Variants in PLD5 observed in about 807,000 individuals in gnomAD.
PLD5 encodes phospholipase D family member 5, also known as inactive phospholipase D5.
In PLD5, 36 loss-of-function variants were observed where a neutral mutation model predicts 61.1. The ratio of observed to expected loss-of-function variants is 0.59; its 90% CI spans 0.45 to 0.78. The LOEUF (loss-of-function observed/expected upper bound fraction) is 0.78, where lower values mean the gene tolerates loss of function less well. PLD5 is among the 30% of genes least tolerant of loss of function. The pLI is 0.00. For missense variants in PLD5, 515 were observed against 644.4 expected (o/e 0.80, Z 2.17); for synonymous variants, 243 against 242.8 (o/e 1.00, Z -0.01).
At chr1:242,287,644 T>A (rs1315758310) in intron 3 of PLD5, among the ~76,000 whole-genome samples, 4 of 152,108 alleles carry the variant, frequency 2.6e-5, no homozygotes, top group Non-Finnish European at 5.9e-5. Context: ...CATATGATAT[T>A]TAAGTGTAGG....
chr1:242,207,775 TA>T (rs1295979173), intron 5 of PLD5, among the ~76,000 whole-genome samples: 3 of 109,394 alleles, frequency 2.7e-5, no homozygotes, highest in African/African-American at 1.5e-4. Context: ...TATATATATT[TA>T]TATATATTTA....
intron 2 of PLD5, among the ~76,000 whole-genome samples, chr1:242,320,237 T>A (rs1658299704): frequency 6.6e-6 from 1 of 152,354 alleles, no homozygotes; most frequent in Non-Finnish European, 1.5e-5. Flanking sequence ...TTTTTAGAAG[T>A]GGGTCAATTA....
intron 8 of PLD5, among the ~76,000 whole-genome samples, chr1:242,104,494 T>A (rs1460689923): frequency 6.6e-6 from 1 of 152,134 alleles, no homozygotes; most frequent in East Asian, 1.9e-4. Context: ...ACTGCAAGGA[T>A]CTCTTCTACA....
At chr1:242,413,343 T>C (rs1002187310) in intron 1 of PLD5, among the ~76,000 whole-genome samples, 1 of 152,176 alleles carries the variant, frequency 6.6e-6, no homozygotes, top group African/African-American at 2.4e-5. Flanking sequence ...CTTGTATTTC[T>C]TGAGGTCCTA....
At chr1:242,327,595 A>G (rs1284719265) in intron 2 of PLD5, among the ~76,000 whole-genome samples, 2 of 152,210 alleles carry the variant, frequency 1.3e-5, no homozygotes, top group African/African-American at 4.8e-5. Flanking sequence ...TGAAAATGTT[A>G]TAACAGAGCT....
At chr1:242,495,429 G>C (rs1668339295) in intron 1 of PLD5, among the ~76,000 whole-genome samples, 1 of 152,136 alleles carries the variant, frequency 6.6e-6, no homozygotes, top group African/African-American at 2.4e-5. Context: ...GTTCATGAAT[G>C]AAAAAGCAGT....
intron 1 of PLD5, among the ~76,000 whole-genome samples, chr1:242,450,459 T>A (rs1309410068): frequency 2.0e-5 from 3 of 152,176 alleles, no homozygotes; most frequent in Non-Finnish European, 4.4e-5. Flanking sequence ...CACAAATTGG[T>A]AGAATTCCTT....
intron 1 of PLD5, among the ~76,000 whole-genome samples, chr1:242,463,367 G>A (rs1667178187): frequency 6.6e-6 from 1 of 152,174 alleles, no homozygotes; most frequent in Non-Finnish European, 1.5e-5. Flanking sequence ...CTGAACTGGT[G>A]CAGCCCAGCA....
At chr1:242,309,866 G>GTT (rs34508632) in intron 2 of PLD5, among the ~76,000 whole-genome samples, 22 of 146,770 alleles carry the variant, frequency 1.5e-4, no homozygotes, top group Admixed American at 2.1e-4. Context: ...AATTTATTGA[G>GTT]TTTTTTTATT....
chr1:242,175,874 C>G (rs1482195354), intron 5 of PLD5, among the ~76,000 whole-genome samples: 1 of 151,568 alleles, frequency 6.6e-6, no homozygotes, highest in African/African-American at 2.4e-5. Context: ...ATAGAACTTA[C>G]CAAGGGGTGT....
At chr1:242,136,910 G>A (rs1221569920) in intron 5 of PLD5, among the ~76,000 whole-genome samples, 3 of 152,164 alleles carry the variant, frequency 2.0e-5, no homozygotes, top group African/African-American at 4.8e-5. Context: ...GCAAATGGCT[G>A]GTTGAAGGCT....
At chr1:242,288,682 A>G (rs929973139) in intron 2 of PLD5, 152 bp from the exon 3 acceptor site, 7 of 1,409,254 alleles carry the variant, frequency 5.0e-6, no homozygotes, top group Admixed American at 6.5e-5. Context: ...TTTCCACAAA[A>G]GTCTTCTTAC....
chr1:242,431,316 A>T (rs1182185090), intron 1 of PLD5, among the ~76,000 whole-genome samples: 3 of 152,266 alleles, frequency 2.0e-5, no homozygotes, highest in Non-Finnish European at 4.4e-5. Flanking sequence ...AAGAACACAG[A>T]TATCTGTTAA....
chr1:242,127,395 C>T (rs1205209834), intron 5 of PLD5, among the ~76,000 whole-genome samples: 1 of 152,170 alleles, frequency 6.6e-6, no homozygotes, highest in African/African-American at 2.4e-5. Context: ...AAATGTGGAG[C>T]CAACCCAAAT....
chr1:242,390,576 T>C (rs1048250421), intron 1 of PLD5, among the ~76,000 whole-genome samples: 2 of 152,120 alleles, frequency 1.3e-5, no homozygotes, highest in Admixed American at 1.3e-4. Context: ...TTATTCTAAT[T>C]ACAGAAAGGT....
At chr1:242,218,159 C>A (rs1427661017) in intron 5 of PLD5, among the ~76,000 whole-genome samples, 1 of 152,160 alleles carries the variant, frequency 6.6e-6, no homozygotes, top group East Asian at 1.9e-4. Flanking sequence ...TTAGCAATCA[C>A]CACCCTGATC....
intron 8 of PLD5, among the ~76,000 whole-genome samples, chr1:242,100,999 A>T (rs1055811543): frequency 6.6e-6 from 1 of 152,222 alleles, no homozygotes; most frequent in Non-Finnish European, 1.5e-5. Flanking sequence ...GTATATAATT[A>T]ACACTTTTAA....
At chr1:242,254,911 G>A (rs1429552822) in intron 4 of PLD5, among the ~76,000 whole-genome samples, 1 of 152,218 alleles carries the variant, frequency 6.6e-6, no homozygotes, top group African/African-American at 2.4e-5. Flanking sequence ...TATGAAGAAA[G>A]GTGGAAGACA....
chr1:242,311,110 A>G (rs987785735), intron 2 of PLD5, among the ~76,000 whole-genome samples: 4 of 152,192 alleles, frequency 2.6e-5, no homozygotes, highest in African/African-American at 4.8e-5. Context: ...CCTTACAATG[A>G]AACATGAATA....
Sources: allele counts gnomAD v4.1 joint callset (sites outside exome capture counted in the v4.1 genomes callset), GRCh38; gene constraint gnomAD v4.1.1; transcripts MANE v1.5; gene names NCBI Gene and HGNC (gene_info 2026-07-23, HGNC 2026-07-21).